Variants in TOM1L1 observed in about 807,000 individuals in gnomAD.
TOM1L1 encodes TOM1-like protein 1.
A neutral mutation model predicts 63.4 loss-of-function variants in TOM1L1; 64 were observed. The observed-to-expected ratio is 1.01, with a 90% confidence interval of 0.83 to 1.24. The LOEUF (loss-of-function observed/expected upper bound fraction) is 1.24, where lower values mean the gene tolerates loss of function less well. Ranked by LOEUF, TOM1L1 falls within the 50% of genes most tolerant of loss-of-function variation. The pLI is 0.00. For missense variants in TOM1L1, 536 were observed against 567.0 expected (o/e 0.95, Z 0.55); for synonymous variants, 166 against 194.4 (o/e 0.85, Z 1.22).
Position 54,960,621 on chromosome 17 carries a change from G to A in TOM1L1, c.1426G>A (p.Asp476Asn). Residue 476 changes from aspartate (D) to asparagine (N), a missense_variant, in exon 15 of 16, where the codon GAC (aspartate) becomes AAC (asparagine). Asp to Asn is a conservative substitution (Grantham distance 23). Coordinates refer to ENST00000575882, the MANE Select transcript of TOM1L1 (RefSeq NM_005486.3). ...GCACAAAGGAGCTCAAAATGATGGT[G>A]ACTGAGGTAAAGACTTCAACTTATA... The part of the protein sequence containing the change: ...HQHKGAQNDG[D>N] 1 of 1,609,672 alleles carries A rather than the reference G, an allele frequency of 6.2e-7. No homozygotes were observed. The highest frequency in any genetic ancestry group is 8.5e-7 in the Non-Finnish European group (1 of 1,176,574).
At chr17:54,929,729 T>C (rs1259609002) in intron 7 of TOM1L1, among the ~76,000 whole-genome samples, 4 of 142,954 alleles carry the variant, frequency 2.8e-5, no homozygotes, top group Non-Finnish European at 4.6e-5. Context: ...AACTGAGATT[T>C]AAAAAACATG....
chr17:54,961,138 G>A (rs1047856181), intron 15 of TOM1L1, 97 bp from the exon 16 acceptor site: 1 of 859,772 alleles, frequency 1.2e-6, no homozygotes. Flanking sequence ...ACTAGACTGT[G>A]ACTCTCCAGC....
chr17:54,923,446 T>C (rs577844158), intron 7 of TOM1L1, among the ~76,000 whole-genome samples: 38 of 152,138 alleles, frequency 2.5e-4, no homozygotes, highest in Middle Eastern at 3.4e-3. Flanking sequence ...TGAAGTGGTA[T>C]CTCATTATGG....
chr17:54,924,188 A>G (rs1248122699), intron 7 of TOM1L1, among the ~76,000 whole-genome samples: 3 of 151,672 alleles, frequency 2.0e-5, no homozygotes, highest in Non-Finnish European at 4.4e-5. Context: ...GAGTGCACTG[A>G]GTTCATTCTT....
chr17:54,950,271 T>C (rs1301130630), intron 14 of TOM1L1, 145 bp downstream of exon 14: 2 of 604,274 alleles, frequency 3.3e-6, no homozygotes, highest in Middle Eastern at 3.9e-4. Flanking sequence ...TGAGGTTTTA[T>C]GGCAGCTGTT....
chr17:54,903,837 A>G (rs1333562238), intron 2 of TOM1L1, 45 bp downstream of exon 2: 1 of 1,541,470 alleles, frequency 6.5e-7, no homozygotes, highest in Non-Finnish European at 8.9e-7. Flanking sequence ...GACAAGAAGC[A>G]TCAGAACTAC....
chr17:54,910,150 C>T (rs2048474297), intron 3 of TOM1L1, among the ~76,000 whole-genome samples: 1 of 152,080 alleles, frequency 6.6e-6, no homozygotes, highest in Non-Finnish European at 1.5e-5. Flanking sequence ...CTTGTGGCAC[C>T]AAAGATAAAA....
At chr17:54,924,281 TTC>T (rs1342811431) in intron 7 of TOM1L1, among the ~76,000 whole-genome samples, 3 of 128,368 alleles carry the variant, frequency 2.3e-5, no homozygotes, top group Admixed American at 1.5e-4. Flanking sequence ...CTTTTCTTTT[TTC>T]TTTTTTTTTT....
intron 8 of TOM1L1, among the ~76,000 whole-genome samples, chr17:54,931,267 T>C (rs1389054789): frequency 1.3e-5 from 2 of 152,240 alleles, no homozygotes; most frequent in African/African-American, 4.8e-5. Context: ...TTTTTCTTTC[T>C]TATTTTTTTG....
chr17:54,956,527 C>T (rs915783249), intron 14 of TOM1L1, among the ~76,000 whole-genome samples: 2 of 152,034 alleles, frequency 1.3e-5, no homozygotes, highest in Non-Finnish European at 1.5e-5. Flanking sequence ...AGGCTGGTCT[C>T]GAACTCTTGG....
chr17:54,914,468 C>T (rs1395874573), intron 5 of TOM1L1, among the ~76,000 whole-genome samples, 171 bp from the exon 6 acceptor site: 1 of 151,930 alleles, frequency 6.6e-6, no homozygotes, highest in African/African-American at 2.4e-5. Flanking sequence ...ATGTCATTTG[C>T]TTAGCATTCT....
chr17:54,954,196 T>A (rs1190615231), intron 14 of TOM1L1: 6 of 152,230 alleles, frequency 3.9e-5, no homozygotes, highest in Admixed American at 2.0e-4. Context: ...CAGATTTATC[T>A]TCTGCTGTGA....
chr17:54,920,212 T>A (rs1334215204), intron 7 of TOM1L1, among the ~76,000 whole-genome samples: 2 of 152,010 alleles, frequency 1.3e-5, no homozygotes, highest in Non-Finnish European at 2.9e-5. Context: ...TAGGGAGTCA[T>A]CAGCAGGGTG....
At chr17:54,936,939 G>C (rs2048957250) in intron 9 of TOM1L1, among the ~76,000 whole-genome samples, 170 bp from the exon 10 acceptor site, 1 of 152,146 alleles carries the variant, frequency 6.6e-6, no homozygotes, top group Non-Finnish European at 1.5e-5. Context: ...TAAGAAGCAG[G>C]AACCTATGTA....
chr17:54,948,226 C>T (rs1310920941), intron 12 of TOM1L1, among the ~76,000 whole-genome samples: 1 of 152,158 alleles, frequency 6.6e-6, no homozygotes. Context: ...TGCCTCCCTT[C>T]GCATCCCTCC....
chr17:54,951,009 T>C (rs1450767005), intron 14 of TOM1L1, among the ~76,000 whole-genome samples: 1 of 152,142 alleles, frequency 6.6e-6, no homozygotes. Flanking sequence ...TACCTGGAGA[T>C]AGTGTCAGAC....
chr17:54,925,674 TG>T (rs2048756684), intron 7 of TOM1L1, among the ~76,000 whole-genome samples: 1 of 152,244 alleles, frequency 6.6e-6, no homozygotes, highest in African/African-American at 2.4e-5. Context: ...GAGGCCAAGG[TG>T]GGCAGATCAC....
intron 7 of TOM1L1, 26 bp downstream of exon 7, chr17:54,915,888 A>C (rs745930623): frequency 6.5e-7 from 1 of 1,546,966 alleles, no homozygotes; most frequent in South Asian, 1.1e-5. Context: ...AGGGACTATC[A>C]GTCAAAGTGT....
intron 8 of TOM1L1, among the ~76,000 whole-genome samples, chr17:54,932,144 C>G (rs1398045073): frequency 6.6e-6 from 1 of 151,986 alleles, no homozygotes; most frequent in Admixed American, 6.6e-5. Context: ...TTTATTCGGC[C>G]AGGGGCATTG....
Sources: allele counts gnomAD v4.1 joint callset (sites outside exome capture counted in the v4.1 genomes callset), GRCh38; gene constraint gnomAD v4.1.1; transcripts MANE v1.5; gene names NCBI Gene and HGNC (gene_info 2026-07-23, HGNC 2026-07-21).